MGAM2: variants seen among roughly 807,000 people sequenced by gnomAD.
MGAM2 encodes maltase-glucoamylase 2 (putative).
In MGAM2, 98 loss-of-function variants were observed where a neutral mutation model predicts 96.1. That is an observed-to-expected ratio of 1.02 (90% CI 0.87 to 1.21). The LOEUF (loss-of-function observed/expected upper bound fraction) is 1.21. Among genes scored for constraint, MGAM2 ranks in the 50% most tolerant of loss-of-function variants. MGAM2 has a pLI of 0.00. For synonymous variants in MGAM2, 749 were observed against 414.8 expected, an observed-to-expected ratio of 1.81 and a Z score of -9.79; for missense variants, 2,055 against 1,182.4, an observed-to-expected ratio of 1.74 and a Z score of -10.82.
chr7:142,158,283 A>T lies in MGAM2; in HGVS notation c.2114A>T (p.Glu705Val). ...YQDSATWDVH[E>V]QFLWGPGLLI... ...GACTCAGCCACGTGGGATGTGCATG[A>T]GCAGTTCTTATGGGGACCTGGACTC... is the stretch of plus-strand genomic sequence containing the variant. Residue 705 changes from glutamate to valine, a missense_variant, in exon 19 of 48, where the codon GAG (glutamate) becomes GTG (valine). Coordinates refer to ENST00000477922, the MANE Select transcript of MGAM2 (RefSeq NM_001293626.2). 1 of 702,982 alleles carries T rather than the reference A, an allele frequency of 1.4e-6. No homozygotes were observed. Among genetic ancestry groups the T allele is most frequent in the East Asian group, 2.7e-5 (1 of 37,282 alleles). The allele number at this position is 702,982 out of a possible 1,614,324, so 43.5% of individuals were successfully genotyped here.
At chr7:142,131,370 G>A (rs12154281) in intron 4 of MGAM2, 148 bp from the exon 5 acceptor site, 51,824 of 604,268 alleles carry the variant, frequency 0.086, 2,665 homozygotes, top group Non-Finnish European at 0.1. Flanking sequence ...CCTGGGAGGT[G>A]GAGGTTGCAG....
At chr7:142,208,024 T>C (rs1000068117) in intron 45 of MGAM2, among the ~76,000 whole-genome samples, 3 of 152,270 alleles carry the variant, frequency 2.0e-5, no homozygotes, top group Admixed American at 1.3e-4. Flanking sequence ...TAAGCACTTA[T>C]TGTGCACAAG....
intron 36 of MGAM2, 28 bp from the exon 37 acceptor site, chr7:142,189,339 T>G (rs1286678009): frequency 1.5e-6 from 1 of 654,770 alleles, no homozygotes; most frequent in East Asian, 2.8e-5. Flanking sequence ...TCATGTTGTT[T>G]AGGAAATAAC....
chr7:142,165,062 G>C, intron 24 of MGAM2, 39 bp downstream of exon 24: 1 of 645,012 alleles, frequency 1.6e-6, no homozygotes, highest in Admixed American at 2.5e-5. Context: ...CTTTCCAGAG[G>C]CCTTGGCTCT....
chr7:142,175,668 A>G lies in MGAM2; in HGVS notation c.3704A>G (p.Asp1235Gly). 1.4e-6 allele frequency: 1 copy of G among 702,812 alleles called. No individual in the cohort carries two copies. The highest frequency in any genetic ancestry group is 2.6e-6 in the Non-Finnish European group (1 of 384,966). The allele number at this position is 702,812 out of a possible 1,614,324, so 43.5% of individuals were successfully genotyped here. A position where few individuals can be genotyped will look rare whatever the true frequency, so the allele number is the denominator to read the frequency against. Residue 1235 changes from aspartate to glycine, a missense_variant, in exon 32 of 48, where the codon GAC becomes GGC. By Grantham distance (94) the Asp-to-Gly change is moderately conservative (BLOSUM62 -1). Transcript: ENST00000477922. ...TTTCTGCAGGACGTCCAGCATGTAGACATCGATTACATGAACCGGAAGCTG... is the reference window on the plus strand; with the variant it reads ...TTTCTGCAGGACGTCCAGCATGTAGGCATCGATTACATGAACCGGAAGCTG... ...AQIPYDVQHV[D>G]IDYMNRKLDF...
Position 142,172,087 on chromosome 7 carries a change from G to A in MGAM2, c.3352-11G>A, listed in dbSNP as rs753589366. The A allele has an allele frequency of 7.0e-6, 5 of 709,512 alleles. No homozygotes were observed. Among genetic ancestry groups the A allele is most frequent in the Non-Finnish European group, 1.3e-5 (5 of 388,170 alleles). 44.0% of individuals were successfully genotyped at this position (709,512 alleles called of 1,614,324 possible). On this transcript the variant is annotated splice_polypyrimidine_tract_variant and intron_variant, in intron 28 of 47. Transcript: ENST00000477922. ...CATTTTCTTTTTGTTTATTACCCTCGTGACTCCCAGTACAAGAAGAATTCC... is the reference window on the plus strand; with the variant it reads ...CATTTTCTTTTTGTTTATTACCCTCATGACTCCCAGTACAAGAAGAATTCC...
At chr7:142,162,964 C>A (rs1451194428) in intron 23 of MGAM2, among the ~76,000 whole-genome samples, 3 of 152,198 alleles carry the variant, frequency 2.0e-5, no homozygotes, top group African/African-American at 7.2e-5. Flanking sequence ...CTCCTCAGCC[C>A]CTGGCAACCA....
In MGAM2 at chr7:142,220,536, A is replaced by G. The variant is rs777838920; in HGVS notation, c.6025A>G (p.Thr2009Ala). 1.4e-6 allele frequency: 1 copy of G among 702,458 alleles called. No individual in the cohort carries two copies. The highest frequency in any genetic ancestry group is 2.6e-6 in the Non-Finnish European group (1 of 384,874). 43.5% of individuals were successfully genotyped at this position (702,458 alleles called of 1,614,324 possible). A position where few individuals can be genotyped will look rare whatever the true frequency, so the allele number is the denominator to read the frequency against. Residue 2009 changes from threonine (T) to alanine (A), a missense_variant, in exon 48 of 48, where the codon ACT becomes GCT. By Grantham distance (58) the Thr-to-Ala change is moderately conservative (BLOSUM62 0). Transcript: ENST00000477922. ...AACTGCTCCTTTCCCTACAAGTACTACTAGTGCTAGCACTAATGCTACCCC... is the reference window on the plus strand; with the variant it reads ...AACTGCTCCTTTCCCTACAAGTACTGCTAGTGCTAGCACTAATGCTACCCC... ...DTTAPFPTST[T>A]SASTNATPVP... is the part of the protein sequence containing the mutation.
chr7:142,194,955 G>A (rs912823025), intron 37 of MGAM2, among the ~76,000 whole-genome samples: 2 of 152,086 alleles, frequency 1.3e-5, no homozygotes, highest in Non-Finnish European at 2.9e-5. Context: ...CCCTCACACA[G>A]TTGTTGTTAT....
At chr7:142,204,468 G>A (rs1293570248) in intron 45 of MGAM2, among the ~76,000 whole-genome samples, 1 of 151,950 alleles carries the variant, frequency 6.6e-6, no homozygotes, top group Admixed American at 6.6e-5. Context: ...AGAAGCTCTA[G>A]GAGAGGCATG....
intron 1 of MGAM2, among the ~76,000 whole-genome samples, chr7:142,114,572 G>A (rs184961763): frequency 2.6e-5 from 4 of 152,258 alleles, no homozygotes; most frequent in Admixed American, 6.5e-5. Flanking sequence ...GTGACTTGGG[G>A]TATATTTATG....
In MGAM2 at chr7:142,220,705, C is replaced by T. The variant is rs563240588; in HGVS notation, c.6194C>T (p.Ser2065Phe). The change falls in exon 48 of 48, where the codon TCC (serine) becomes TTC (phenylalanine). Residue 2065 changes from serine to phenylalanine, a missense_variant. Coordinates refer to ENST00000477922, the MANE Select transcript of MGAM2 (RefSeq NM_001293626.2). ...ACTGTTCCTATTACAACCACACCTTCCCCTACAAATACTGCTGATGCTAAC... is the reference window on the plus strand; with the variant it reads ...ACTGTTCCTATTACAACCACACCTTTCCCTACAAATACTGCTGATGCTAAC... ...SATVPITTTP[S>F]PTNTADANTS... 8 of 702,220 alleles carry T rather than the reference C, an allele frequency of 1.1e-5. No homozygotes were observed. Among genetic ancestry groups the T allele is most frequent in the Non-Finnish European group, 1.8e-5 (7 of 384,808 alleles). The allele number at this position is 702,220 out of a possible 1,614,324, so 43.5% of individuals were successfully genotyped here.
chr7:142,132,036 G>C lies in MGAM2; in HGVS notation c.526G>C (p.Asp176His). The change falls in exon 6 of 48, where the codon GAT (aspartate) becomes CAT (histidine). Residue 176 changes from aspartate to histidine, a missense_variant. By Grantham distance (81) the Asp-to-His change is moderately conservative. Transcript: ENST00000477922. ...TTTGAGCTATTACGTGGAGGTTACT[G>C]ATAAACCTTTCAGCATCAAAATAAT... ...SNLSYYVEVT[D>H]KPFSIKIMRT... 1 of 703,170 alleles carries C rather than the reference G, an allele frequency of 1.4e-6. No homozygotes were observed. The highest frequency in any genetic ancestry group is 2.6e-6 in the Non-Finnish European group (1 of 385,016). 43.6% of individuals were successfully genotyped at this position (703,170 alleles called of 1,614,324 possible).
intron 15 of MGAM2, among the ~76,000 whole-genome samples, chr7:142,149,547 T>TG (rs970310615): frequency 1.5e-5 from 2 of 136,254 alleles, no homozygotes; most frequent in African/African-American, 5.4e-5. Context: ...TTGGATGTTT[T>TG]GTTTTTTTTT....
At position 142,197,860 on chromosome 7, in the gene MGAM2, G is replaced by A. The variant is rs6980243; in HGVS notation, c.4866+132G>A. 1,463 of 624,590 alleles carry A rather than the reference G, an allele frequency of 2.3e-3. 15 individuals are homozygous for A. The African/African-American group carries it at 0.024, about 10-fold the overall frequency. The allele number at this position is 624,590 out of a possible 1,614,324, so 38.7% of individuals were successfully genotyped here. A position where few individuals can be genotyped will look rare whatever the true frequency, so the allele number is the denominator to read the frequency against. ...GAATGCCTTTCTAGAACATCTACAG[G>A]AGATCTTTTTCTTTTATTTAAAAGA... is the stretch of plus-strand genomic sequence containing the variant. On this transcript the variant is annotated intron_variant, in intron 42 of 47. Coordinates refer to ENST00000477922, the MANE Select transcript of MGAM2 (RefSeq NM_001293626.2).
At chr7:142,115,635 C>G (rs968070898) in intron 1 of MGAM2, among the ~76,000 whole-genome samples, 1 of 152,170 alleles carries the variant, frequency 6.6e-6, no homozygotes, top group African/African-American at 2.4e-5. Flanking sequence ...CAGCTGAGAT[C>G]AGGAGTTCGA....
At position 142,186,012 on chromosome 7, in the gene MGAM2, T is replaced by G; in HGVS notation, c.4011T>G (p.Phe1337Leu). The change falls in exon 35 of 48, where the codon TTT (phenylalanine) becomes TTG (leucine). Residue 1337 changes from phenylalanine to leucine, a missense_variant. Phe to Leu is a conservative substitution (Grantham distance 22). Transcript: ENST00000477922. Reference sequence around the variant, plus strand: ...AGCTTTACAGGGCCTACGTTGCCTTTCCTGACTTCTTTCGTAATAGCACAG... The same window carrying G: ...AGCTTTACAGGGCCTACGTTGCCTTGCCTGACTTCTTTCGTAATAGCACAG... ...QVKLYRAYVA[F>L]PDFFRNSTAA... 1 of 703,726 alleles carries G rather than the reference T, an allele frequency of 1.4e-6. No individual in the cohort carries two copies. The allele number at this position is 703,726 out of a possible 1,614,324, so 43.6% of individuals were successfully genotyped here. A position where few individuals can be genotyped will look rare whatever the true frequency, so the allele number is the denominator to read the frequency against.
intron 7 of MGAM2, among the ~76,000 whole-genome samples, chr7:142,134,567 G>A (rs990608832): frequency 6.6e-6 from 1 of 152,124 alleles, no homozygotes; most frequent in Admixed American, 6.5e-5. Flanking sequence ...CTAGGTGTTT[G>A]CTAGTGAAAG....
intron 14 of MGAM2, 66 bp from the exon 15 acceptor site, chr7:142,147,390 T>A (rs1449056673): frequency 1.5e-6 from 1 of 650,406 alleles, no homozygotes; most frequent in East Asian, 2.7e-5. Context: ...AAGAAAATAG[T>A]TGGGCCGCTA....
Sources: allele counts gnomAD v4.1 joint callset (sites outside exome capture counted in the v4.1 genomes callset), GRCh38; gene constraint gnomAD v4.1.1; transcripts MANE v1.5; gene names NCBI Gene and HGNC (gene_info 2026-07-23, HGNC 2026-07-21).